Variants in F13B observed in about 807,000 individuals in gnomAD.
F13B encodes the protein coagulation factor XIII B chain.
Under a neutral mutation model 79.8 loss-of-function variants are expected in F13B, and 58 were observed. The observed-to-expected ratio is 0.73, with a 90% CI of 0.59 to 0.90. The LOEUF (loss-of-function observed/expected upper bound fraction) is 0.90. Ranked by LOEUF, F13B falls within the 40% of genes least tolerant of loss-of-function variation. The pLI is 0.00. For synonymous variants in F13B, 283 were observed against 260.3 expected, an observed-to-expected ratio of 1.09 and a Z score of -0.84; for missense variants, 773 against 777.0, an observed-to-expected ratio of 0.99 and a Z score of 0.06.
At chr1:197,063,588 A>G (rs1463931156) in intron 1 of F13B, among the ~76,000 whole-genome samples, 1 of 152,090 alleles carries the variant, frequency 6.6e-6, no homozygotes, top group Non-Finnish European at 1.5e-5. Flanking sequence ...CCAAAGCACT[A>G]GGATTACAAG....
chr1:197,043,903 G>T (rs1286691113), intron 10 of F13B, among the ~76,000 whole-genome samples: 1 of 151,942 alleles, frequency 6.6e-6, no homozygotes, highest in Non-Finnish European at 1.5e-5. Context: ...ACCCATGAAG[G>T]ATATCAAGTA....
intron 10 of F13B, among the ~76,000 whole-genome samples, chr1:197,050,027 C>T (rs1270984206): frequency 6.6e-6 from 1 of 151,966 alleles, no homozygotes; most frequent in African/African-American, 2.4e-5. Flanking sequence ...ATACCTTTAA[C>T]TTGATTTTTA....
At chr1:197,045,834 T>A (rs1169596193) in intron 10 of F13B, among the ~76,000 whole-genome samples, 1 of 152,196 alleles carries the variant, frequency 6.6e-6, no homozygotes, top group Non-Finnish European at 1.5e-5. Flanking sequence ...GATGGCTTCA[T>A]CCCTGGGATG....
intron 10 of F13B, among the ~76,000 whole-genome samples, chr1:197,045,198 C>CA (rs1206447912): frequency 2.0e-5 from 3 of 151,422 alleles, no homozygotes; most frequent in East Asian, 1.9e-4. Context: ...AAAATCCCTT[C>CA]AAAAAAATCA....
At chr1:197,047,002 A>G (rs1655257604) in intron 10 of F13B, among the ~76,000 whole-genome samples, 1 of 152,192 alleles carries the variant, frequency 6.6e-6, no homozygotes, top group African/African-American at 2.4e-5. Context: ...CTTATACAAA[A>G]ATTAACTCAA....
At chr1:197,058,654 T>C (rs920827349) in intron 5 of F13B, among the ~76,000 whole-genome samples, 14 of 152,198 alleles carry the variant, frequency 9.2e-5, no homozygotes, top group African/African-American at 3.1e-4. Flanking sequence ...TTTGTGATTA[T>C]ATTTAGAGTC....
At chr1:197,066,621 T>C (rs959986611) in intron 1 of F13B, among the ~76,000 whole-genome samples, 1 of 152,160 alleles carries the variant, frequency 6.6e-6, no homozygotes, top group African/African-American at 2.4e-5. Flanking sequence ...AGTGTCCCTG[T>C]TTGTACAAGC....
Position 197,046,402 on chromosome 1 carries a change from C to T in F13B, c.1738+4295G>A, listed in dbSNP as rs140594496. Among the ~76,000 whole-genome samples the T allele has an allele frequency of 4.2e-3, 642 of 152,168 alleles. 3 individuals are homozygous for T. Among genetic ancestry groups the T allele is most frequent in the African/African-American group, 0.015 (610 of 41,522 alleles). On this transcript the variant is annotated intron_variant, in intron 10 of 11. Transcript: ENST00000367412. ...AACAGAGAGCCAAATTATGAGTGAACCCCCATTCACAATTACTTCAAAGAG... is the reference window on the plus strand; with the variant it reads ...AACAGAGAGCCAAATTATGAGTGAATCCCCATTCACAATTACTTCAAAGAG...
intron 8 of F13B, among the ~76,000 whole-genome samples, chr1:197,054,680 C>A (rs1227496358): frequency 6.6e-6 from 1 of 151,512 alleles, no homozygotes; most frequent in Non-Finnish European, 1.5e-5. Flanking sequence ...TAAAAAATTC[C>A]AAATTAATTA....
chr1:197,041,601 C>G (rs1655038857), intron 10 of F13B, among the ~76,000 whole-genome samples: 1 of 50,620 alleles, frequency 2.0e-5, no homozygotes, highest in Non-Finnish European at 8.6e-5. Context: ...AACTTACTTA[C>G]AGTATGCCCC....
chr1:197,044,927 G>A (rs1655173886), intron 10 of F13B, among the ~76,000 whole-genome samples: 1 of 152,060 alleles, frequency 6.6e-6, no homozygotes, highest in South Asian at 2.1e-4. Flanking sequence ...ATAACGAAAT[G>A]AAGGCAGAAA....
At chr1:197,063,114 T>G (rs570896535) in intron 1 of F13B, 57 bp from the exon 2 acceptor site, 4 of 1,467,602 alleles carry the variant, frequency 2.7e-6, no homozygotes, top group Admixed American at 3.4e-5. Context: ...AACATAAATT[T>G]GTAATCAGGT....
At chr1:197,052,578 C>A in intron 9 of F13B, 56 bp downstream of exon 9, 3 of 1,170,740 alleles carry the variant, frequency 2.6e-6, no homozygotes, top group South Asian at 2.9e-5. Flanking sequence ...AATTTTCAAC[C>A]GAGGTAGCAG....
intron 9 of F13B, among the ~76,000 whole-genome samples, 188 bp from the exon 10 acceptor site, chr1:197,051,067 G>A (rs1040425265): frequency 6.6e-6 from 1 of 152,022 alleles, no homozygotes; most frequent in Non-Finnish European, 1.5e-5. Context: ...AACTAGTTGG[G>A]ACTACAGGTG....
chr1:197,055,493 G>C (rs1363249615), intron 8 of F13B, among the ~76,000 whole-genome samples: 1 of 151,864 alleles, frequency 6.6e-6, no homozygotes, highest in Non-Finnish European at 1.5e-5. Flanking sequence ...CCACTGAATT[G>C]TACACTTAAA....
rs1334675398 is a variant in F13B, at chr1:197,048,146, G to GTA, written c.1738+2550_1738+2551insTA. On this transcript the variant is annotated intron_variant, in intron 10 of 11. Transcript: ENST00000367412. The stretch of plus-strand genomic sequence containing the variant: ...AACTTAAAATATTATATATATATAT[G>GTA]TGTATATATATATACACACACACCT... Among the ~76,000 whole-genome samples the GTA allele has an allele frequency of 5.9e-3, 874 of 148,048 alleles. 12 individuals carry two copies. The highest frequency in any genetic ancestry group is 0.022 in the African/African-American group (840 of 38,508).
At chr1:197,046,774 A>G (rs1231271342) in intron 10 of F13B, among the ~76,000 whole-genome samples, 3 of 152,238 alleles carry the variant, frequency 2.0e-5, no homozygotes, top group African/African-American at 4.8e-5. Flanking sequence ...ATACAAGGCT[A>G]CAGTAACCAA....
At chr1:197,049,964 C>G (rs1327661391) in intron 10 of F13B, among the ~76,000 whole-genome samples, 3 of 151,844 alleles carry the variant, frequency 2.0e-5, no homozygotes, top group Non-Finnish European at 4.4e-5. Flanking sequence ...AAATTAAACA[C>G]AGATTGAAGA....
intron 11 of F13B, among the ~76,000 whole-genome samples, chr1:197,039,857 C>G (rs1654972205): frequency 6.6e-6 from 1 of 151,900 alleles, no homozygotes; most frequent in Admixed American, 6.6e-5. Context: ...AAAACAGGAC[C>G]ACATGCACTT....
Sources: allele counts gnomAD v4.1 joint callset (sites outside exome capture counted in the v4.1 genomes callset), GRCh38; gene constraint gnomAD v4.1.1; transcripts MANE v1.5; gene names NCBI Gene and HGNC (gene_info 2026-07-23, HGNC 2026-07-21).